Variants in MAP7 observed in about 807,000 individuals in gnomAD.
The protein encoded by MAP7 is ensconsin.
Under a neutral mutation model 94.8 loss-of-function variants are expected in MAP7, and 52 were observed. The ratio of observed to expected loss-of-function variants is 0.55; its 90% CI spans 0.44 to 0.69. The LOEUF (loss-of-function observed/expected upper bound fraction) is 0.69, where lower values mean the gene tolerates loss of function less well. Among genes scored for constraint, MAP7 ranks in the 30% least tolerant of loss-of-function variants. MAP7 has a pLI of 0.00. For missense variants in MAP7, 940 were observed against 964.6 expected, an observed-to-expected ratio of 0.97 and a Z score of 0.34; for synonymous variants, 350 against 357.0, an observed-to-expected ratio of 0.98 and a Z score of 0.22.
Position 136,389,368 on chromosome 6 carries a change from G to A in MAP7, c.394C>T (p.Leu132Phe), listed in dbSNP as rs754659072. 1.3e-6 allele frequency: 2 copies of A among 1,548,752 alleles called. No homozygotes were observed. The highest frequency in any genetic ancestry group is 4.2e-5 in the Admixed American group (2 of 47,152). ...GGGCGGCTCACTTTGTCCTCCTCAA[G>A]TCTCTGCCTCCGCTTCTCCTCCACA... ...AAVEEKRRQR[L>F]EEDKERHEAV... The change falls in exon 4 of 18, where the codon CTT becomes TTT. Residue 132 changes from leucine to phenylalanine, a missense_variant. Leu to Phe is a conservative substitution (Grantham distance 22). Transcript: ENST00000354570.
At chr6:136,407,340 A>T (rs1785936990) in intron 3 of MAP7, among the ~76,000 whole-genome samples, 1 of 152,236 alleles carries the variant, frequency 6.6e-6, no homozygotes, top group South Asian at 2.1e-4. Context: ...ATAAAACAGC[A>T]GTAGAATGTG....
intron 1 of MAP7, among the ~76,000 whole-genome samples, chr6:136,448,370 C>T (rs1305578746): frequency 6.6e-6 from 1 of 151,864 alleles, no homozygotes; most frequent in Non-Finnish European, 1.5e-5. Flanking sequence ...AAAAATCCTT[C>T]TATCATGAGT....
intron 1 of MAP7, among the ~76,000 whole-genome samples, chr6:136,505,014 C>T (rs1231806253): frequency 5.3e-5 from 8 of 151,538 alleles, no homozygotes; most frequent in African/African-American, 2.0e-4. Context: ...GGTCTGGGTC[C>T]TGGGGTCCAT....
intron 1 of MAP7, among the ~76,000 whole-genome samples, chr6:136,477,824 A>T (rs1363552773): frequency 3.9e-5 from 6 of 152,240 alleles, no homozygotes; most frequent in African/African-American, 1.2e-4. Flanking sequence ...AGGTATTTAT[A>T]GGACATTTCA....
intron 3 of MAP7, among the ~76,000 whole-genome samples, chr6:136,398,285 C>G (rs1682986634): frequency 2.0e-5 from 3 of 152,198 alleles, no homozygotes; most frequent in Admixed American, 1.3e-4. Flanking sequence ...TGGCCTTGTT[C>G]CCCCAAGTTA....
chr6:136,372,227 A>T (rs1337686976), intron 8 of MAP7, among the ~76,000 whole-genome samples: 1 of 152,212 alleles, frequency 6.6e-6, no homozygotes. Context: ...TGGACGCTCC[A>T]GGAGGGTAGG....
At chr6:136,483,608 C>T (rs1393635478) in intron 1 of MAP7, among the ~76,000 whole-genome samples, 3 of 152,084 alleles carry the variant, frequency 2.0e-5, no homozygotes, top group African/African-American at 7.2e-5. Context: ...CGACATTTGG[C>T]TCCTTTATAC....
chr6:136,368,877 A>T (rs995824768), intron 8 of MAP7, among the ~76,000 whole-genome samples: 1 of 152,198 alleles, frequency 6.6e-6, no homozygotes, highest in Non-Finnish European at 1.5e-5. Flanking sequence ...TCCCAATATA[A>T]TTTTTTATTT....
chr6:136,500,354 G>A (rs1819485659), intron 1 of MAP7, among the ~76,000 whole-genome samples: 1 of 152,152 alleles, frequency 6.6e-6, no homozygotes, highest in Non-Finnish European at 1.5e-5. Flanking sequence ...TCTTCAAATG[G>A]AATTTTCCTT....
chr6:136,474,941 C>G (rs1331663604), intron 1 of MAP7, among the ~76,000 whole-genome samples: 1 of 152,090 alleles, frequency 6.6e-6, no homozygotes, highest in East Asian at 1.9e-4. Flanking sequence ...GTCTTGAACT[C>G]CTGACCTCAA....
At chr6:136,406,236 C>T (rs1446782566) in intron 3 of MAP7, among the ~76,000 whole-genome samples, 1 of 152,142 alleles carries the variant, frequency 6.6e-6, no homozygotes, top group Non-Finnish European at 1.5e-5. Flanking sequence ...CTGATCAATG[C>T]CATAAAGTTT....
At chr6:136,409,015 C>A (rs1786512877) in intron 3 of MAP7, among the ~76,000 whole-genome samples, 1 of 150,736 alleles carries the variant, frequency 6.6e-6, no homozygotes. Context: ...TGAAGGGAGC[C>A]TCTCAAGACT....
rs549853395 is a variant in MAP7 at position 136,528,698 on chromosome 6, G to C, written c.67+21644C>G. Reference sequence around the variant, plus strand: ...AGCTTACAGCTTCCAAACAAAGCTAGCTGCTGCTCTAATAACTAACACATT... The same window carrying C: ...AGCTTACAGCTTCCAAACAAAGCTACCTGCTGCTCTAATAACTAACACATT... On this transcript the variant is annotated intron_variant, in intron 1 of 17. Coordinates refer to ENST00000354570, the MANE Select transcript of MAP7 (RefSeq NM_003980.6). Among the ~76,000 whole-genome samples the C allele has an allele frequency of 4.8e-4, 73 of 152,340 alleles. No individual in the cohort carries two copies. In the Middle Eastern group the frequency reaches 0.017, roughly 35 times the overall value.
chr6:136,421,008 C>T (rs1329001742), intron 2 of MAP7, among the ~76,000 whole-genome samples: 1 of 152,132 alleles, frequency 6.6e-6, no homozygotes, highest in Non-Finnish European at 1.5e-5. Context: ...CTTTGATTGT[C>T]TCCTGTTATC....
At position 136,512,835 on chromosome 6, in the gene MAP7, CCTTT is replaced by C. The variant is rs144063928; in HGVS notation, c.67+37503_67+37506del. Among the ~76,000 whole-genome samples the C allele has an allele frequency of 0.013, 1,971 of 150,902 alleles. 78 individuals are homozygous for C. The East Asian group carries it at 0.14, about 10-fold the overall frequency. On this transcript the variant is annotated intron_variant, in intron 1 of 17. Transcript: ENST00000354570. ...GCTGGGGTGCTGCGGCAATTTCTTCCCTTTTTTTTTTTTTTTGAAAGGGTCTCAC... is the reference window on the plus strand; with the variant it reads ...GCTGGGGTGCTGCGGCAATTTCTTCCTTTTTTTTTTTTGAAAGGGTCTCAC...
chr6:136,532,883 A>C (rs1024776746), intron 1 of MAP7, among the ~76,000 whole-genome samples: 1 of 152,236 alleles, frequency 6.6e-6, no homozygotes, highest in Admixed American at 6.5e-5. Flanking sequence ...TAAATCACAG[A>C]AACAACTGAA....
intron 1 of MAP7, among the ~76,000 whole-genome samples, chr6:136,441,151 G>A (rs918406504): frequency 8.5e-5 from 13 of 152,154 alleles, no homozygotes; most frequent in Non-Finnish European, 1.9e-4. Context: ...TGTAATAAAT[G>A]TCAGAGTTGA....
At chr6:136,463,997 GTA>G (rs1467280965) in intron 1 of MAP7, among the ~76,000 whole-genome samples, 1 of 152,178 alleles carries the variant, frequency 6.6e-6, no homozygotes, top group Non-Finnish European at 1.5e-5. Context: ...CCTTCATTGT[GTA>G]TGTGGAAGGG....
At chr6:136,521,336 A>G (rs568322103) in intron 1 of MAP7, among the ~76,000 whole-genome samples, 165 of 152,342 alleles carry the variant, frequency 1.1e-3, no homozygotes, top group Middle Eastern at 6.8e-3. Flanking sequence ...GAAAGATGTC[A>G]TAGTGGCACG....
Sources: gnomAD v4.1 joint callset for allele counts (sites outside exome capture counted in the v4.1 genomes callset) on GRCh38, gnomAD v4.1.1 for gene constraint, MANE v1.5 for transcripts, NCBI Gene and HGNC (gene_info 2026-07-23, HGNC 2026-07-21) for gene names.